GRK1: variants seen among roughly 807,000 people sequenced by gnomAD.
The protein encoded by GRK1 is rhodopsin kinase GRK1.
Under a neutral mutation model 41.7 loss-of-function variants are expected in GRK1, and 28 were observed. That is an observed-to-expected ratio of 0.67 (90% confidence interval 0.50 to 0.92). GRK1 has a LOEUF of 0.92. Ranked by LOEUF, GRK1 falls within the 40% of genes least tolerant of loss-of-function variation. The pLI, the probability that GRK1 is intolerant of heterozygous loss-of-function variation, is 0.00. For synonymous variants in GRK1, 327 were observed against 286.7 expected (o/e 1.14, Z -1.42); for missense variants, 703 against 671.2 (o/e 1.05, Z -0.52).
chr13:113,661,947 G>A, the GRK1 span, among the ~76,000 whole-genome samples: 12 of 152,294 alleles, frequency 7.9e-5, no homozygotes, highest in Admixed American at 1.3e-4. Context: ...AATAGAAGAA[G>A]AGGAAATATT....
At chr13:113,652,823 C>CCCTG in the GRK1 span, 1 of 1,597,042 alleles carries the variant, frequency 6.3e-7, no homozygotes. Context: ...GGGTGAGAGG[C>CCCTG]CCTGACTGCA....
rs375819237 is a variant in GRK1, at chr13:113,737,500, C to T, written c.*2137C>T. 577 of 140,920 alleles carry T rather than the reference C, an allele frequency of 4.1e-3. 4 individuals are homozygous for T. Among genetic ancestry groups the T allele is most frequent in the Non-Finnish European group, 7.2e-3 (468 of 65,034 alleles). 8.7% of individuals were successfully genotyped at this position (140,920 alleles called of 1,614,324 possible). ...TCGGCCACACCCTGGGTGAGGAGCA[C>T]GTCTTCCCATAGATCCCACGTCGGC... On this transcript the variant is annotated 3_prime_UTR_variant, in exon 7 of 7. Transcript: ENST00000335678.
the GRK1 span, among the ~76,000 whole-genome samples, chr13:113,654,231 G>C: frequency 1.3e-5 from 2 of 152,198 alleles, no homozygotes; most frequent in South Asian, 4.1e-4. Context: ...TCTATACGTG[G>C]TTTAAAATAA....
At chr13:113,665,255 C>T (rs1206634259), upstream of GRK1, among the ~76,000 whole-genome samples, 1 of 152,196 alleles carries the variant, frequency 6.6e-6, no homozygotes. Context: ...TATTGAGTAC[C>T]TACTGTGTGC....
In GRK1 at chr13:113,669,783, G is replaced by T. The variant is rs1465703361; in HGVS notation, c.796G>T (p.Val266Leu). 1 of 1,613,854 alleles carries T rather than the reference G, an allele frequency of 6.2e-7. No homozygotes were observed. The highest frequency in any genetic ancestry group is 1.3e-5 in the African/African-American group (1 of 74,920). ...AFETKADLCL[V>L]MTIMNGGDIR... The stretch of plus-strand genomic sequence containing the variant: ...TGAAACCAAAGCCGACCTCTGTCTG[G>T]TGATGACCATCATGAACGGAGGTGA... Residue 266 changes from valine to leucine, a missense_variant, in exon 2 of 7, where the codon GTG becomes TTG. Physicochemically the swap from Val to Leu is conservative, Grantham distance 32 (BLOSUM62 1). Transcript: ENST00000335678.
intron 6 of GRK1, 136 bp downstream of exon 6, chr13:113,733,221 C>A: frequency 1.3e-6 from 1 of 786,828 alleles, no homozygotes; most frequent in African/African-American, 1.7e-5. Context: ...CTGCCCCCAG[C>A]AAGGCCCCCA....
chr13:113,671,207 G>T lies in GRK1; in HGVS notation c.828-292G>T, dbSNP rs563361331. On this transcript the variant is annotated intron_variant, in intron 2 of 6. Coordinates refer to ENST00000335678, the MANE Select transcript of GRK1 (RefSeq NM_002929.3). This position sits in a 1 kb window ranked among gnomAD's most constrained non-coding sequence, Gnocchi z 4.1. ...CCTCGGCCTGGCCCCTTCCTGAGACGGTCTGGGCTGTTTCCTAGCACCTGC... is the reference window on the plus strand; with the variant it reads ...CCTCGGCCTGGCCCCTTCCTGAGACTGTCTGGGCTGTTTCCTAGCACCTGC... 6.6e-6 allele frequency among the ~76,000 whole-genome samples: 1 copy of T among 152,198 alleles called. No homozygotes were observed. Among genetic ancestry groups the T allele is most frequent in the Admixed American group, 6.5e-5 (1 of 15,286 alleles).
rs914814954 is a variant in GRK1 at position 113,736,571 on chromosome 13, G to T, written c.*1208G>T. ...CTCCCTCTTGAGGGCCGGCGGTGCT[G>T]GCCTGGGTTCCATGGCCTCAGCAGC... On this transcript the variant is annotated 3_prime_UTR_variant, in exon 7 of 7. Coordinates refer to ENST00000335678, the MANE Select transcript of GRK1 (RefSeq NM_002929.3). 2 of 152,262 alleles carry T rather than the reference G, an allele frequency of 1.3e-5. No individual in the cohort carries two copies. Among genetic ancestry groups the T allele is most frequent in the Admixed American group, 1.3e-4 (2 of 15,294 alleles). The allele number at this position is 152,262 out of a possible 1,614,324, so 9.4% of individuals were successfully genotyped here.
In GRK1 at chr13:113,731,526, G is replaced by A; in HGVS notation, c.1194+183G>A. The stretch of plus-strand genomic sequence containing the variant: ...CTGGGCCATGCTGTTCTGTCTCAGT[G>A]GGTGACGCCCCCAGCCCCTGAGGCC... On this transcript the variant is annotated intron_variant, in intron 5 of 6. Coordinates refer to ENST00000335678, the MANE Select transcript of GRK1 (RefSeq NM_002929.3). This position sits in a 1 kb window ranked among gnomAD's most constrained non-coding sequence, Gnocchi z 5.6. 2.3e-6 allele frequency: 1 copy of A among 442,162 alleles called. No homozygotes were observed. The highest frequency in any genetic ancestry group is 3.0e-6 in the Non-Finnish European group (1 of 333,586). The allele number at this position is 442,162 out of a possible 1,614,324, so 27.4% of individuals were successfully genotyped here.
the GRK1 span, among the ~76,000 whole-genome samples, chr13:113,655,488 G>A: frequency 2.0e-5 from 3 of 152,272 alleles, no homozygotes; most frequent in Non-Finnish European, 2.9e-5. Context: ...CATAGGCACC[G>A]GCAACTCAGG....
At chr13:113,651,003 G>A in the GRK1 span, among the ~76,000 whole-genome samples, 2 of 151,888 alleles carry the variant, frequency 1.3e-5, no homozygotes, top group Non-Finnish European at 2.9e-5. Context: ...CTCAGGAGCC[G>A]CAGTGTGGCC....
chr13:113,734,019 TGTGCGTGC>T (rs1302266502), intron 6 of GRK1, among the ~76,000 whole-genome samples: 2 of 143,434 alleles, frequency 1.4e-5, no homozygotes, highest in African/African-American at 2.8e-5. Context: ...CGTGCATGTG[TGTGCGTGC>T]GTGTGCGTAT....
intron 6 of GRK1, among the ~76,000 whole-genome samples, chr13:113,733,589 G>GCA (rs1261791959): frequency 1.3e-5 from 2 of 150,678 alleles, no homozygotes; most frequent in Admixed American, 1.3e-4. Flanking sequence ...GTGCATACGT[G>GCA]TGTGTGCATG....
intron 4 of GRK1, among the ~76,000 whole-genome samples, chr13:113,728,395 G>A (rs145191605): frequency 0.16 from 19,992 of 123,922 alleles, 2,460 homozygotes; most frequent in African/African-American, 0.36. Flanking sequence ...TACCCATGGC[G>A]ATGAGGAGTA....
chr13:113,729,518 A>T (rs955216204), intron 4 of GRK1, among the ~76,000 whole-genome samples: 1 of 152,216 alleles, frequency 6.6e-6, no homozygotes, highest in Non-Finnish European at 1.5e-5. Flanking sequence ...CGGCAGCGTC[A>T]TGGCAGCTGG....
In GRK1 at chr13:113,671,967, C is replaced by T. The variant is rs938194311; in HGVS notation, c.985+311C>T. On this transcript the variant is annotated intron_variant, in intron 3 of 6. Coordinates refer to ENST00000335678, the MANE Select transcript of GRK1 (RefSeq NM_002929.3). This position sits in a 1 kb window ranked among gnomAD's most constrained non-coding sequence, Gnocchi z 4.1. ...GAAATAAACACGAGGGTTTAGGCTC[C>T]CGACAGCGGCAGGTCAGGCAAGTGC... 4.5e-4 allele frequency among the ~76,000 whole-genome samples: 68 copies of T among 152,040 alleles called. No homozygotes were observed. The highest frequency in any genetic ancestry group is 1.6e-3 in the African/African-American group (65 of 41,464).
the GRK1 span, among the ~76,000 whole-genome samples, chr13:113,657,375 T>C: frequency 1.3e-5 from 2 of 152,174 alleles, no homozygotes; most frequent in African/African-American, 4.8e-5. Flanking sequence ...GGTGAGGGCG[T>C]TTCCCGGAAC....
chr13:113,652,558 G>T, the GRK1 span: 1 of 434,238 alleles, frequency 2.3e-6, no homozygotes, highest in African/African-American at 2.0e-5. Flanking sequence ...AGAACTTGAG[G>T]CCCCTTTACC....
rs867188416 is a variant in GRK1, at chr13:113,733,946, G to C, written c.1396+861G>C. Among the ~76,000 whole-genome samples, 4 of 137,404 alleles carry C rather than the reference G, an allele frequency of 2.9e-5. No individual in the cohort carries two copies. The South Asian group carries it at 9.1e-4, about 31-fold the overall frequency. The allele number at this position is 137,404 out of a possible 152,430, so 90.1% of individuals were successfully genotyped here. On this transcript the variant is annotated intron_variant, in intron 6 of 6. Transcript: ENST00000335678. ...TGTGCATGTGTGCATACGTGTGTGC[G>C]TGTGTGTGCATACGTGTGTGTGCGT...
Sources: gnomAD v4.1 joint callset for allele counts (sites outside exome capture counted in the v4.1 genomes callset) on GRCh38, gnomAD v4.1.1 for gene constraint, Gnocchi (gnomAD v3.1) non-coding constraint, MANE v1.5 for transcripts, NCBI Gene and HGNC (gene_info 2026-07-23, HGNC 2026-07-21) for gene names.